Variants in CCNF observed in about 807,000 individuals in gnomAD.
The protein encoded by CCNF is cyclin-F.
A neutral mutation model predicts 85.4 loss-of-function variants in CCNF; 30 were observed. The observed-to-expected ratio is 0.35, with a 90% CI of 0.26 to 0.48. The LOEUF is 0.48. Ranked by LOEUF, CCNF falls within the 20% of genes least tolerant of loss-of-function variation. The pLI is 0.99. For synonymous variants in CCNF, 439 were observed against 425.1 expected (o/e 1.03, Z -0.40); for missense variants, 919 against 1,010.4 (o/e 0.91, Z 1.23).
chr16:2,453,356 G>A lies in CCNF; in HGVS notation c.1587+47G>A, dbSNP rs752189863. ...GGCGTCTCATGGGGTGCTGGGGTGT[G>A]GGCGGGCCTCACCCTCGGGGCCTCT... is the stretch of plus-strand genomic sequence containing the variant. On this transcript the variant is annotated intron_variant, in intron 14 of 16. Coordinates refer to ENST00000397066, the MANE Select transcript of CCNF (RefSeq NM_001761.3). The surrounding 1 kb of genome is among the most constrained non-coding windows in gnomAD (Gnocchi z 5.6). 2 of 1,613,742 alleles carry A rather than the reference G, an allele frequency of 1.2e-6. No individual in the cohort carries two copies. The highest frequency in any genetic ancestry group is 1.7e-6 in the Non-Finnish European group (2 of 1,179,904).
intron 8 of CCNF, among the ~76,000 whole-genome samples, chr16:2,443,050 TTATAATATC>T (rs1352608829): frequency 8.3e-6 from 1 of 119,898 alleles, no homozygotes; most frequent in Non-Finnish European, 1.6e-5. Flanking sequence ...TAATATTATG[TTATAATATC>T]TATAATATAT....
At chr16:2,435,405 T>C (rs924440931) in intron 3 of CCNF, among the ~76,000 whole-genome samples, 1 of 143,276 alleles carries the variant, frequency 7.0e-6, no homozygotes, top group African/African-American at 2.7e-5. Context: ...AGCAAGACCC[T>C]GTCTCTAGAA....
At chr16:2,432,650 G>A (rs2065268592) in intron 2 of CCNF, among the ~76,000 whole-genome samples, 1 of 152,122 alleles carries the variant, frequency 6.6e-6, no homozygotes, top group Non-Finnish European at 1.5e-5. Context: ...CTTTTAGAGT[G>A]TTTCCCCTGT....
chr16:2,454,526 C>T (rs562645880), intron 15 of CCNF, among the ~76,000 whole-genome samples: 14 of 152,202 alleles, frequency 9.2e-5, no homozygotes, highest in Middle Eastern at 3.2e-3. Context: ...CAGACCCCCA[C>T]GGGTGACACT....
intron 1 of CCNF, among the ~76,000 whole-genome samples, chr16:2,430,764 T>A (rs979930046): frequency 1.3e-5 from 2 of 151,836 alleles, no homozygotes; most frequent in African/African-American, 4.8e-5. Flanking sequence ...GCCCCAGGAG[T>A]TTTCCTGAGA....
intron 8 of CCNF, among the ~76,000 whole-genome samples, chr16:2,443,160 T>TATATATAATATATATATA (rs61728452): frequency 7.5e-6 from 1 of 133,792 alleles, no homozygotes; most frequent in Non-Finnish European, 1.5e-5. Context: ...TAATATATAT[T>TATATATAATATATATATA]ATATATAATA....
intron 10 of CCNF, 28 bp downstream of exon 10, chr16:2,445,650 A>G (rs780130243): frequency 6.2e-7 from 1 of 1,603,542 alleles, no homozygotes; most frequent in African/African-American, 1.3e-5. Context: ...CCCAGCTGGC[A>G]GGGACGTGCT....
At chr16:2,436,528 G>T (rs1219493552) in intron 4 of CCNF, 1 of 152,238 alleles carries the variant, frequency 6.6e-6, no homozygotes, top group Non-Finnish European at 1.5e-5. Context: ...CTGGGAGAGA[G>T]TCCCTACCTG....
At chr16:2,437,608 G>A (rs2065298427) in intron 5 of CCNF, 2 of 390,738 alleles carry the variant, frequency 5.1e-6, no homozygotes, top group East Asian at 4.5e-5. Flanking sequence ...CACAAATCTG[G>A]CCAGGTGTGG....
chr16:2,437,777 T>C (rs540290589), intron 5 of CCNF: 17 of 420,194 alleles, frequency 4.0e-5, no homozygotes, highest in African/African-American at 2.8e-4. Flanking sequence ...TGCATACCTA[T>C]AGTCCCAGCT....
chr16:2,442,782 ATTATATATTATATTC>A (rs1567386379), intron 8 of CCNF, among the ~76,000 whole-genome samples: 2 of 7,908 alleles, frequency 2.5e-4, no homozygotes, highest in Non-Finnish European at 3.2e-4. Context: ...CATATATAAT[ATTATATATTATATTC>A]TATAATATAT....
chr16:2,435,696 T>C (rs1007087430), intron 3 of CCNF, 110 bp from the exon 4 acceptor site: 11 of 426,212 alleles, frequency 2.6e-5, no homozygotes, highest in Non-Finnish European at 2.6e-5. Context: ...TATATATATA[T>C]ATATATATTC....
chr16:2,447,259 A>G (rs1181516760), intron 10 of CCNF, among the ~76,000 whole-genome samples: 2 of 151,532 alleles, frequency 1.3e-5, no homozygotes, highest in Non-Finnish European at 2.9e-5. Context: ...CCCTCAAATC[A>G]ACTCTGCCTT....
chr16:2,446,390 C>T (rs962309982), intron 10 of CCNF, among the ~76,000 whole-genome samples: 1 of 152,242 alleles, frequency 6.6e-6, no homozygotes, highest in African/African-American at 2.4e-5. Context: ...TGGTGCCCTG[C>T]AGAGCCCACT....
At chr16:2,442,781 T>C (rs1283662437) in intron 8 of CCNF, among the ~76,000 whole-genome samples, 1 of 6,168 alleles carries the variant, frequency 1.6e-4, no homozygotes, top group Non-Finnish European at 2.0e-4. Context: ...TCATATATAA[T>C]ATTATATATT....
Position 2,453,602 on chromosome 16 carries a change from T to G in CCNF, c.1715+65T>G. ...GCATCCTCGTGCCGGCCCAGTTCCC[T>G]CAGCGCTTCCTCACACAGAGAGGCC... is the stretch of plus-strand genomic sequence containing the variant. On this transcript the variant is annotated intron_variant, in intron 15 of 16. Coordinates refer to ENST00000397066, the MANE Select transcript of CCNF (RefSeq NM_001761.3). This position sits in a 1 kb window ranked among gnomAD's most constrained non-coding sequence, Gnocchi z 5.6. 1.3e-6 allele frequency: 2 copies of G among 1,599,794 alleles called. No homozygotes were observed. Among genetic ancestry groups the G allele is most frequent in the Non-Finnish European group, 1.7e-6 (2 of 1,171,870 alleles).
At position 2,437,150 on chromosome 16, in the gene CCNF, G is replaced by C. The variant is rs371699142; in HGVS notation, c.368G>C (p.Arg123Pro). Residue 123 changes from arginine to proline, a missense_variant, in exon 5 of 17, where the codon CGC becomes CCC. By Grantham distance (103) the Arg-to-Pro change is moderately radical. Around this residue, in one of 3 missense-constraint regions of CCNF, gnomAD observed 410 missense variants for 478.6 expected, o/e 0.86. Coordinates refer to ENST00000397066, the MANE Select transcript of CCNF (RefSeq NM_001761.3). The stretch of plus-strand genomic sequence containing the variant: ...GCAGTGTCTGTGTCTGATGAGGCCC[G>C]CGCAGAAGTGAATGGCCTGAAGGCC... ...NEGLSVSDEA[R>P]AEVNGLKASR... 6.2e-7 allele frequency: 1 copy of C among 1,603,800 alleles called. No individual in the cohort carries two copies. The highest frequency in any genetic ancestry group is 1.7e-5 in the Admixed American group (1 of 59,648).
chr16:2,445,873 G>A (rs530126325), intron 10 of CCNF, among the ~76,000 whole-genome samples: 7 of 152,164 alleles, frequency 4.6e-5, no homozygotes, highest in Non-Finnish European at 1.0e-4. Flanking sequence ...GACTGCAGGC[G>A]TGCGCCACCA....
At position 2,456,917 on chromosome 16, in the gene CCNF, C is replaced by G. The variant is rs150393278; in HGVS notation, c.2258C>G (p.Pro753Arg). 54 of 1,614,170 alleles carry G rather than the reference C, an allele frequency of 3.3e-5. No homozygotes were observed. The African/African-American group carries it at 5.7e-4, about 17-fold the overall frequency. ...AAGTCATGTTTACAGTGTCGTCCCC[C>G]AAGTCCCCCGGAGAGCAGTGTTCCC... Reference protein sequence around the residue: ...ARKSCLQCRPPSPPESSVPQQ... With the variant: ...ARKSCLQCRPRSPPESSVPQQ... Residue 753 changes from proline to arginine, a missense_variant, in exon 17 of 17, where the codon CCA becomes CGA. Physicochemically the swap from Pro to Arg is moderately radical, Grantham distance 103 (BLOSUM62 -2). Around this residue, in one of 3 missense-constraint regions of CCNF, gnomAD observed 505 missense variants for 514.8 expected, o/e 0.98. Coordinates refer to ENST00000397066, the MANE Select transcript of CCNF (RefSeq NM_001761.3). The surrounding 1 kb of genome is among the most constrained non-coding windows in gnomAD (Gnocchi z 4.5).
Sources: gnomAD v4.1 joint callset for allele counts (sites outside exome capture counted in the v4.1 genomes callset) on GRCh38, gnomAD v4.1.1 for gene constraint, gnomAD v4.1.1 regional missense constraint, Gnocchi (gnomAD v3.1) non-coding constraint, MANE v1.5 for transcripts, NCBI Gene and HGNC (gene_info 2026-07-23, HGNC 2026-07-21) for gene names.